Variants in OPCML observed in about 807,000 individuals in gnomAD.
OPCML encodes opioid binding protein/cell adhesion molecule like.
OPCML carries 13 observed loss-of-function variants against 37.8 expected under a neutral mutation model. That is an observed-to-expected ratio of 0.34 (90% confidence interval 0.22 to 0.55). OPCML has a LOEUF of 0.55. Ranked by LOEUF, OPCML falls within the 20% of genes least tolerant of loss-of-function variation. The pLI, the probability that OPCML is intolerant of heterozygous loss-of-function variation, is 0.91. For synonymous variants in OPCML, 176 were observed against 168.8 expected (o/e 1.04, Z -0.33); for missense variants, 341 against 435.6 (o/e 0.78, Z 1.93).
At chr11:133,079,241 C>T (rs1948672003) in intron 1 of OPCML, among the ~76,000 whole-genome samples, 2 of 152,152 alleles carry the variant, frequency 1.3e-5, no homozygotes, top group African/African-American at 4.8e-5. Context: ...CGTATTTCAA[C>T]TGAACAGAAG....
At chr11:132,791,709 A>C (rs903036549) in intron 2 of OPCML, among the ~76,000 whole-genome samples, 1 of 152,184 alleles carries the variant, frequency 6.6e-6, no homozygotes. Flanking sequence ...AAATAGGCAC[A>C]GCTTCCCCCC....
intron 3 of OPCML, among the ~76,000 whole-genome samples, chr11:132,653,541 C>T (rs547746244): frequency 2.7e-4 from 41 of 152,204 alleles, no homozygotes; most frequent in Non-Finnish European, 5.1e-4. Context: ...CATGCTCACA[C>T]GGTGCCTGTG....
intron 1 of OPCML, among the ~76,000 whole-genome samples, chr11:133,338,503 A>G (rs1305890984): frequency 2.6e-5 from 4 of 152,152 alleles, no homozygotes; most frequent in Admixed American, 6.5e-5. Flanking sequence ...CCTCTCCTAT[A>G]AAGAGGGCCA....
chr11:132,513,366 A>G (rs1001009216), intron 4 of OPCML, among the ~76,000 whole-genome samples: 2 of 152,148 alleles, frequency 1.3e-5, no homozygotes, highest in African/African-American at 2.4e-5. Context: ...TGTTATGGAA[A>G]ACATTTGTCC....
intron 4 of OPCML, among the ~76,000 whole-genome samples, chr11:132,488,369 G>A (rs1337539270): frequency 6.6e-6 from 1 of 152,184 alleles, no homozygotes; most frequent in Non-Finnish European, 1.5e-5. Flanking sequence ...AACCTAGATG[G>A]TACAGCCTAC....
At chr11:132,559,225 G>A (rs572392726) in intron 3 of OPCML, among the ~76,000 whole-genome samples, 1 of 151,954 alleles carries the variant, frequency 6.6e-6, no homozygotes, top group African/African-American at 2.4e-5. Context: ...CAGCATTCTC[G>A]GTCTCCCACT....
chr11:133,172,687 ACT>A (rs1484170989), intron 1 of OPCML, among the ~76,000 whole-genome samples: 13 of 152,024 alleles, frequency 8.6e-5, no homozygotes, highest in Admixed American at 8.5e-4. Flanking sequence ...GAGTGAGAAA[ACT>A]CAGTCCTTTT....
intron 2 of OPCML, among the ~76,000 whole-genome samples, chr11:132,713,533 T>C (rs968957499): frequency 6.6e-6 from 1 of 152,216 alleles, no homozygotes; most frequent in Admixed American, 6.5e-5. Context: ...TATAGAAAAC[T>C]TCAAACCTAA....
At chr11:133,333,476 G>A (rs569017103) in intron 1 of OPCML, among the ~76,000 whole-genome samples, 1 of 152,118 alleles carries the variant, frequency 6.6e-6, no homozygotes, top group African/African-American at 2.4e-5. Flanking sequence ...TTCCTTACAC[G>A]CTACACAAAA....
At chr11:133,489,835 C>T (rs1236484902) in intron 1 of OPCML, among the ~76,000 whole-genome samples, 1 of 135,142 alleles carries the variant, frequency 7.4e-6, no homozygotes, top group African/African-American at 3.1e-5. Flanking sequence ...TGTGTATATA[C>T]ATATATATAT....
At chr11:133,325,168 G>A (rs2136630958) in intron 1 of OPCML, among the ~76,000 whole-genome samples, 1 of 152,334 alleles carries the variant, frequency 6.6e-6, no homozygotes, top group South Asian at 2.1e-4. Flanking sequence ...GGAAGCTCTG[G>A]TATGAAAAGC....
intron 1 of OPCML, among the ~76,000 whole-genome samples, chr11:133,315,571 G>T (rs558772030): frequency 1.3e-5 from 2 of 152,326 alleles, no homozygotes; most frequent in African/African-American, 4.8e-5. Context: ...GGCCAAAGCG[G>T]GTGGATTACT....
At chr11:133,088,575 G>A (rs1465739745) in intron 1 of OPCML, among the ~76,000 whole-genome samples, 3 of 152,100 alleles carry the variant, frequency 2.0e-5, no homozygotes, top group African/African-American at 7.2e-5. Context: ...AATACCAAAG[G>A]GGATTGCAAT....
intron 3 of OPCML, among the ~76,000 whole-genome samples, chr11:132,650,610 C>T (rs944654142): frequency 6.6e-6 from 1 of 151,958 alleles, no homozygotes; most frequent in Non-Finnish European, 1.5e-5. Context: ...ACAAAAAAAA[C>T]ACACACAGCC....
chr11:133,056,146 G>T (rs920685403), intron 1 of OPCML, among the ~76,000 whole-genome samples: 1 of 152,238 alleles, frequency 6.6e-6, no homozygotes, highest in Non-Finnish European at 1.5e-5. Context: ...AAACAAACTG[G>T]GAGATGGAGG....
In OPCML at chr11:133,147,164, G is replaced by T. The variant is rs142481752; in HGVS notation, c.62-204154C>A. Among the ~76,000 whole-genome samples the T allele has an allele frequency of 1.4e-3, 206 of 152,284 alleles. 1 individual carries two copies. The highest frequency in any genetic ancestry group is 3.8e-3 in the African/African-American group (159 of 41,548). ...CAACTTTAAATAGCTCTTCAGGGGG[G>T]TGTTCCTATCACTAAGGCTGATAGG... On this transcript the variant is annotated intron_variant, in intron 1 of 7. Transcript: ENST00000524381.
chr11:133,082,218 AC>A, intron 1 of OPCML, among the ~76,000 whole-genome samples: 1 of 150,944 alleles, frequency 6.6e-6, no homozygotes, highest in South Asian at 2.1e-4. Flanking sequence ...CGTCCGCACG[AC>A]CCGGGGTCCT....
chr11:132,640,404 C>T (rs1372947928), intron 3 of OPCML, among the ~76,000 whole-genome samples: 1 of 152,142 alleles, frequency 6.6e-6, no homozygotes, highest in African/African-American at 2.4e-5. Flanking sequence ...TAGCATCAGC[C>T]ACACATTGCA....
intron 2 of OPCML, among the ~76,000 whole-genome samples, chr11:132,820,656 C>A (rs1293771264): frequency 6.6e-6 from 1 of 152,108 alleles, no homozygotes; most frequent in South Asian, 2.1e-4. Flanking sequence ...AAGGTAAAGA[C>A]AGAATTTCCA....
Sources: gnomAD v4.1 joint callset for allele counts (sites outside exome capture counted in the v4.1 genomes callset) on GRCh38, gnomAD v4.1.1 for gene constraint, MANE v1.5 for transcripts, NCBI Gene and HGNC (gene_info 2026-07-23, HGNC 2026-07-21) for gene names.